The following AP2B1 variants were observed in gnomAD, a reference collection of about 807,000 sequenced individuals.
AP2B1 encodes adaptor related protein complex 2 subunit beta 1.
A neutral mutation model predicts 102.0 loss-of-function variants in AP2B1; 23 were observed. That is an observed-to-expected ratio of 0.23 (90% CI 0.16 to 0.32). AP2B1 has a LOEUF of 0.32. AP2B1 is among the 10% of genes least tolerant of loss of function. The probability of loss-of-function intolerance (pLI) is 1.00; values close to 1 mark genes in which losing one functional copy is unlikely to be tolerated. For missense variants in AP2B1, 541 were observed against 1,157.4 expected, an observed-to-expected ratio of 0.47 and a Z score of 7.73; for synonymous variants, 381 against 421.2, an observed-to-expected ratio of 0.90 and a Z score of 1.17.
chr17:35,605,623 G>A (rs2073649270), intron 3 of AP2B1, 82 bp from the exon 4 acceptor site: 1 of 938,632 alleles, frequency 1.1e-6, no homozygotes, highest in South Asian at 1.6e-5. Context: ...ATCACTGTTA[G>A]TTAAGGCTAT....
chr17:35,625,645 G>A (rs2142559498), intron 6 of AP2B1, among the ~76,000 whole-genome samples: 1 of 151,332 alleles, frequency 6.6e-6, no homozygotes, highest in Admixed American at 6.6e-5. Context: ...TATATAATAT[G>A]TATAGATAAT....
chr17:35,664,668 GC>G (rs1384542109), intron 14 of AP2B1, among the ~76,000 whole-genome samples: 1 of 152,118 alleles, frequency 6.6e-6, no homozygotes, highest in Non-Finnish European at 1.5e-5. Flanking sequence ...ATATTTGAGT[GC>G]CTAGTATTCA....
intron 9 of AP2B1, among the ~76,000 whole-genome samples, chr17:35,628,782 C>CTATATCCATTATCATGGTAGATTG (rs1567849177): frequency 6.6e-6 from 1 of 152,154 alleles, no homozygotes; most frequent in East Asian, 1.9e-4. Flanking sequence ...GTTTTTGTTC[C>CTATATCCATTATCATGGTAGATTG]TATATCCATT....
chr17:35,676,164 A>G (rs995943937), intron 17 of AP2B1, among the ~76,000 whole-genome samples: 2 of 152,232 alleles, frequency 1.3e-5, no homozygotes, highest in Non-Finnish European at 2.9e-5. Flanking sequence ...TTATAGATTT[A>G]ATCAGATTTA....
intron 18 of AP2B1, among the ~76,000 whole-genome samples, chr17:35,705,096 G>A (rs945001123): frequency 3.3e-5 from 5 of 152,172 alleles, no homozygotes; most frequent in African/African-American, 1.2e-4. Flanking sequence ...AGTGTTTGGG[G>A]AATAAGAAGT....
chr17:35,673,238 T>G (rs1304515578), intron 16 of AP2B1, among the ~76,000 whole-genome samples: 1 of 152,020 alleles, frequency 6.6e-6, no homozygotes, highest in Non-Finnish European at 1.5e-5. Flanking sequence ...TTAGACGGAG[T>G]CTCACTCTGT....
chr17:35,624,273 G>A (rs1598081927), intron 5 of AP2B1, 124 bp from the exon 6 acceptor site: 7 of 853,404 alleles, frequency 8.2e-6, no homozygotes, highest in East Asian at 2.5e-5. Context: ...TATCTGACTA[G>A]GTAAAATGTT....
At chr17:35,615,355 A>G (rs983610973) in intron 5 of AP2B1, among the ~76,000 whole-genome samples, 1 of 152,244 alleles carries the variant, frequency 6.6e-6, no homozygotes, top group African/African-American at 2.4e-5. Flanking sequence ...AATGCTTAAT[A>G]AACTGCAGCT....
intron 18 of AP2B1, among the ~76,000 whole-genome samples, chr17:35,691,731 C>T (rs980651363): frequency 3.4e-5 from 5 of 149,154 alleles, no homozygotes; most frequent in Non-Finnish European, 7.4e-5. Context: ...AAAAATATTC[C>T]ACCTAAAATA....
chr17:35,721,291 T>C (rs1463368708), intron 21 of AP2B1, among the ~76,000 whole-genome samples: 4 of 152,226 alleles, frequency 2.6e-5, no homozygotes, highest in Non-Finnish European at 5.9e-5. Context: ...AGTGGATGCA[T>C]AGCCCCTTAA....
chr17:35,636,807 A>C (rs1338024977), intron 10 of AP2B1, among the ~76,000 whole-genome samples: 2 of 152,208 alleles, frequency 1.3e-5, no homozygotes, highest in African/African-American at 4.8e-5. Context: ...AGACATAATT[A>C]ATGATTGTGC....
At chr17:35,612,535 C>T (rs2073893192) in intron 5 of AP2B1, among the ~76,000 whole-genome samples, 1 of 152,172 alleles carries the variant, frequency 6.6e-6, no homozygotes, top group Non-Finnish European at 1.5e-5. Context: ...CATTAGAACA[C>T]TTAAATTTAA....
intron 9 of AP2B1, among the ~76,000 whole-genome samples, chr17:35,635,134 CTG>C (rs772169121): frequency 5.9e-5 from 9 of 152,154 alleles, no homozygotes; most frequent in African/African-American, 7.2e-5. Context: ...TCACTGCAAC[CTG>C]TGTGTCTCCC....
intron 4 of AP2B1, among the ~76,000 whole-genome samples, chr17:35,606,920 T>C (rs2142394218): frequency 6.6e-6 from 1 of 152,206 alleles, no homozygotes; most frequent in South Asian, 2.1e-4. Flanking sequence ...TTTTTTTTTT[T>C]TGGTGACAGA....
At chr17:35,649,383 C>T (rs2075028261) in intron 12 of AP2B1, among the ~76,000 whole-genome samples, 1 of 152,174 alleles carries the variant, frequency 6.6e-6, no homozygotes, top group African/African-American at 2.4e-5. Flanking sequence ...ATTCTCCTAC[C>T]TCAGCCTGTT....
At chr17:35,682,896 A>G (rs2075854269) in intron 18 of AP2B1, 72 bp downstream of exon 18, 1 of 1,388,686 alleles carries the variant, frequency 7.2e-7, no homozygotes, top group Non-Finnish European at 9.7e-7. Context: ...ATTATTTTTA[A>G]AGACACAGTC....
In AP2B1 at chr17:35,682,715, C is replaced by T. The variant is rs2075850476; in HGVS notation, c.2345C>T (p.Thr782Ile). The T allele has an allele frequency of 6.2e-7, 1 of 1,611,648 alleles. No individual in the cohort carries two copies. The highest frequency in any genetic ancestry group is 1.3e-5 in the African/African-American group (1 of 74,790). ...NKNSFGVIPS[T>I]PLAIHTPLMP... The stretch of plus-strand genomic sequence containing the variant: ...TCTAGCTTTGGTGTCATCCCCAGCA[C>T]TCCTCTGGCCATCCATACACCACTG... The change falls in exon 18 of 22, where the codon ACT (threonine) becomes ATT (isoleucine). Residue 782 changes from threonine to isoleucine, a missense_variant. Transcript: ENST00000610402.
chr17:35,617,889 G>A (rs980100280), intron 5 of AP2B1, among the ~76,000 whole-genome samples: 5 of 152,094 alleles, frequency 3.3e-5, no homozygotes, highest in Admixed American at 1.3e-4. Context: ...TTTGTTTATC[G>A]ATATTTATTT....
chr17:35,647,122 A>G lies in AP2B1; in HGVS notation c.1537-3408A>G, dbSNP rs1481012903. On this transcript the variant is annotated intron_variant, in intron 12 of 21. Transcript: ENST00000610402. Reference sequence around the variant, plus strand: ...AGTGTTTAATTATGTAATAAAAACCATACTTTACAAATTCTAAAGTACATG... The same window carrying G: ...AGTGTTTAATTATGTAATAAAAACCGTACTTTACAAATTCTAAAGTACATG... 2.6e-5 allele frequency among the ~76,000 whole-genome samples: 4 copies of G among 152,336 alleles called. No individual in the cohort carries two copies. In the East Asian group the frequency reaches 5.8e-4, roughly 22 times the overall value.
Sources: gnomAD v4.1 joint callset for allele counts (sites outside exome capture counted in the v4.1 genomes callset) on GRCh38, gnomAD v4.1.1 for gene constraint, MANE v1.5 for transcripts, NCBI Gene and HGNC (gene_info 2026-07-23, HGNC 2026-07-21) for gene names.